The following FSTL4 variants were observed in gnomAD, a reference collection of about 807,000 sequenced individuals.
The protein encoded by FSTL4 is follistatin like 4.
Under a neutral mutation model 78.2 loss-of-function variants are expected in FSTL4, and 28 were observed. That is an observed-to-expected ratio of 0.36 (90% confidence interval 0.27 to 0.49). The LOEUF (loss-of-function observed/expected upper bound fraction) is 0.49, where lower values mean the gene tolerates loss of function less well. FSTL4 is among the 20% of genes least tolerant of loss of function. The pLI is 0.98. For missense variants in FSTL4, 922 were observed against 1,084.9 expected (o/e 0.85, Z 2.11); for synonymous variants, 422 against 440.5 (o/e 0.96, Z 0.53).
At chr5:133,442,218 T>G (rs934861021) in intron 3 of FSTL4, among the ~76,000 whole-genome samples, 7 of 152,218 alleles carry the variant, frequency 4.6e-5, no homozygotes, top group African/African-American at 1.7e-4. Flanking sequence ...ATCCTACATG[T>G]CCGTGCCATG....
the FSTL4 span, among the ~76,000 whole-genome samples, chr5:133,630,641 A>G: frequency 6.6e-6 from 1 of 151,542 alleles, no homozygotes; most frequent in East Asian, 1.9e-4. Flanking sequence ...TAGAAAAACA[A>G]CTAAATTTCA....
At chr5:133,531,403 C>T (rs1759249696) in intron 3 of FSTL4, among the ~76,000 whole-genome samples, 1 of 152,108 alleles carries the variant, frequency 6.6e-6, no homozygotes, top group South Asian at 2.1e-4. Flanking sequence ...ATTATTCTTA[C>T]CCATGACTCA....
Position 133,312,699 on chromosome 5 carries a change from T to C in FSTL4, c.682A>G (p.Asn228Asp). The change falls in exon 6 of 16, where the codon AAC becomes GAC. Residue 228 changes from asparagine to aspartate, a missense_variant. Asn to Asp is a conservative substitution (Grantham distance 23). Coordinates refer to ENST00000265342, the MANE Select transcript of FSTL4 (RefSeq NM_015082.2). ...PGDLLRFDDYNSDSSLTLREF... is the reference protein window; with the variant it reads ...PGDLLRFDDYDSDSSLTLREF... ...CGGAGGGTCAGGGAGCTGTCACTGTTGTAATCGTCAAATCGGAGGAGGTCA... is the reference window on the plus strand; with the variant it reads ...CGGAGGGTCAGGGAGCTGTCACTGTCGTAATCGTCAAATCGGAGGAGGTCA... The C allele has an allele frequency of 6.2e-7, 1 of 1,614,034 alleles. No homozygotes were observed. The highest frequency in any genetic ancestry group is 8.5e-7 in the Non-Finnish European group (1 of 1,179,902).
At chr5:133,595,584 GC>G (rs1760721052) in intron 2 of FSTL4, among the ~76,000 whole-genome samples, 1 of 152,206 alleles carries the variant, frequency 6.6e-6, no homozygotes, top group Admixed American at 6.5e-5. Flanking sequence ...GCCATGGCCA[GC>G]AGTGACAAGA....
chr5:133,377,943 C>A (rs753145189), intron 4 of FSTL4, among the ~76,000 whole-genome samples: 2 of 151,990 alleles, frequency 1.3e-5, no homozygotes, highest in Non-Finnish European at 2.9e-5. Context: ...TGATTAACAG[C>A]TGACTTTTTG....
chr5:133,408,927 T>A (rs1444355369), intron 3 of FSTL4, among the ~76,000 whole-genome samples: 1 of 152,104 alleles, frequency 6.6e-6, no homozygotes, highest in African/African-American at 2.4e-5. Context: ...AGCCATTTGG[T>A]TTTACTGATT....
At chr5:133,681,784 C>T in the FSTL4 span, among the ~76,000 whole-genome samples, 17 of 152,188 alleles carry the variant, frequency 1.1e-4, no homozygotes, top group African/African-American at 4.1e-4. Flanking sequence ...CAGGGTGGGC[C>T]TGGTCTCTGA....
At chr5:133,201,846 G>C in intron 15 of FSTL4, 87 bp downstream of exon 15, 1 of 716,412 alleles carries the variant, frequency 1.4e-6, no homozygotes, top group Non-Finnish European at 2.4e-6. Flanking sequence ...ACAGAGAAAT[G>C]AGCAGGTCCC....
chr5:133,774,405 T>C, the FSTL4 span, among the ~76,000 whole-genome samples: 1 of 152,148 alleles, frequency 6.6e-6, no homozygotes, highest in Admixed American at 6.6e-5. Flanking sequence ...TGGTATCTAG[T>C]GGGTAGAGGC....
At chr5:133,790,076 C>G in the FSTL4 span, among the ~76,000 whole-genome samples, 1 of 152,204 alleles carries the variant, frequency 6.6e-6, no homozygotes, top group African/African-American at 2.4e-5. Flanking sequence ...GTCTCCGCCT[C>G]TCCCTCCCCA....
the FSTL4 span, among the ~76,000 whole-genome samples, chr5:133,826,998 A>G: frequency 6.6e-6 from 1 of 152,232 alleles, no homozygotes; most frequent in Non-Finnish European, 1.5e-5. Flanking sequence ...AGAAGGCCCA[A>G]TGGCACGCCC....
In FSTL4 at chr5:133,490,447, C is replaced by T. The variant is rs187996341; in HGVS notation, c.160+76739G>A. Among the ~76,000 whole-genome samples the T allele has an allele frequency of 4.3e-4, 65 of 151,590 alleles. 1 individual carries two copies. Among genetic ancestry groups the T allele is most frequent in the Admixed American group, 3.1e-3 (47 of 15,226 alleles). On this transcript the variant is annotated intron_variant, in intron 3 of 15. Transcript: ENST00000265342. ...TGCTTCTTTATTTTCTATTAAGGCACGCTCTTTTCTTTATTATTTTTAAAG... is the reference window on the plus strand; with the variant it reads ...TGCTTCTTTATTTTCTATTAAGGCATGCTCTTTTCTTTATTATTTTTAAAG...
intron 4 of FSTL4, among the ~76,000 whole-genome samples, chr5:133,319,762 C>A (rs942250045): frequency 1.3e-5 from 2 of 152,210 alleles, no homozygotes; most frequent in Non-Finnish European, 2.9e-5. Flanking sequence ...CCACTGGGGT[C>A]CTGAGATGAA....
At chr5:133,833,324 G>A in the FSTL4 span, among the ~76,000 whole-genome samples, 1 of 152,176 alleles carries the variant, frequency 6.6e-6, no homozygotes, top group Non-Finnish European at 1.5e-5. Context: ...AGACAAAATT[G>A]CAATATGAAG....
intron 4 of FSTL4, among the ~76,000 whole-genome samples, chr5:133,385,828 C>T (rs1755685448): frequency 6.6e-6 from 1 of 152,152 alleles, no homozygotes; most frequent in Admixed American, 6.5e-5. Flanking sequence ...TGGCTAACAA[C>T]ACGGGCACAT....
chr5:133,703,766 G>A, the FSTL4 span, among the ~76,000 whole-genome samples: 2 of 152,146 alleles, frequency 1.3e-5, no homozygotes, highest in African/African-American at 2.4e-5. Context: ...ACTCGCTGAG[G>A]GCACAAAAGT....
intron 4 of FSTL4, among the ~76,000 whole-genome samples, chr5:133,318,496 C>A (rs1753963843): frequency 6.6e-6 from 1 of 152,124 alleles, no homozygotes; most frequent in Non-Finnish European, 1.5e-5. Context: ...AGTGGGGGTA[C>A]AGAATGAAAG....
chr5:133,628,366 C>CTTTTCT, the FSTL4 span, among the ~76,000 whole-genome samples: 20 of 134,646 alleles, frequency 1.5e-4, no homozygotes, highest in South Asian at 1.1e-3. Flanking sequence ...CTTTTCTTTT[C>CTTTTCT]TTTTTTTTTT....
the FSTL4 span, among the ~76,000 whole-genome samples, chr5:133,728,837 G>A: frequency 6.6e-6 from 1 of 151,526 alleles, no homozygotes; most frequent in African/African-American, 2.4e-5. Flanking sequence ...GAGGGTGGGG[G>A]AAAAAGAAAA....
Sources: gnomAD v4.1 joint callset for allele counts (sites outside exome capture counted in the v4.1 genomes callset) on GRCh38, gnomAD v4.1.1 for gene constraint, MANE v1.5 for transcripts, NCBI Gene and HGNC (gene_info 2026-07-23, HGNC 2026-07-21) for gene names.